The following CHSY1 variants were observed in gnomAD, a reference collection of about 807,000 sequenced individuals.
The protein encoded by CHSY1 is chondroitin sulfate synthase 1.
Under a neutral mutation model 59.8 loss-of-function variants are expected in CHSY1, and 13 were observed. That is an observed-to-expected ratio of 0.22 (90% CI 0.14 to 0.35). The LOEUF is 0.35. Ranked by LOEUF, CHSY1 falls within the 10% of genes least tolerant of loss-of-function variation. CHSY1 has a pLI of 1.00. For missense variants in CHSY1, 947 were observed against 1,030.6 expected, an observed-to-expected ratio of 0.92 and a Z score of 1.11; for synonymous variants, 459 against 401.2, an observed-to-expected ratio of 1.14 and a Z score of -1.72.
chr15:101,198,896 C>A (rs913434454), intron 2 of CHSY1, among the ~76,000 whole-genome samples: 1 of 152,216 alleles, frequency 6.6e-6, no homozygotes, highest in Admixed American at 6.5e-5. Flanking sequence ...ACCCGCCAAC[C>A]CTTTACACAG....
chr15:101,223,960 G>C (rs1316089695), intron 2 of CHSY1, among the ~76,000 whole-genome samples: 1 of 152,266 alleles, frequency 6.6e-6, no homozygotes, highest in Non-Finnish European at 1.5e-5. Flanking sequence ...CCGTAAGATT[G>C]TAATACCTTA....
intron 1 of CHSY1, among the ~76,000 whole-genome samples, chr15:101,244,575 T>C (rs2039033067): frequency 6.6e-6 from 1 of 152,252 alleles, no homozygotes; most frequent in African/African-American, 2.4e-5. Flanking sequence ...AACCAGAATA[T>C]ATAGAAAAGA....
At chr15:101,233,453 T>C (rs1224863869) in intron 2 of CHSY1, among the ~76,000 whole-genome samples, 1 of 152,262 alleles carries the variant, frequency 6.6e-6, no homozygotes, top group Non-Finnish European at 1.5e-5. Context: ...ATGTGTTACC[T>C]ATTTTAACCA....
chr15:101,241,824 T>A (rs1301137333), intron 1 of CHSY1, among the ~76,000 whole-genome samples: 3 of 152,206 alleles, frequency 2.0e-5, no homozygotes, highest in Non-Finnish European at 4.4e-5. Context: ...ATTAAGGGTA[T>A]ATACAGCTGT....
intron 1 of CHSY1, among the ~76,000 whole-genome samples, chr15:101,249,020 G>A (rs933240809): frequency 1.3e-5 from 2 of 148,720 alleles, no homozygotes; most frequent in African/African-American, 2.5e-5. Flanking sequence ...AGCCAGGATG[G>A]TCTTGATCTC....
chr15:101,177,160 C>T lies in CHSY1; in HGVS notation c.*228G>A. On this transcript the variant is annotated 3_prime_UTR_variant, in exon 3 of 3. Transcript: ENST00000254190. ...AAAGTTTTGTTCATCAGGTACATTT[C>T]AAGTCAAAGTTAAGCAGGTCTGCTA... is the stretch of plus-strand genomic sequence containing the variant. 2.2e-6 allele frequency: 1 copy of T among 457,096 alleles called. No individual in the cohort carries two copies. Among genetic ancestry groups the T allele is most frequent in the South Asian group, 4.0e-5 (1 of 24,964 alleles). The allele number at this position is 457,096 out of a possible 1,614,324, so 28.3% of individuals were successfully genotyped here. A position where few individuals can be genotyped will look rare whatever the true frequency, so the allele number is the denominator to read the frequency against.
chr15:101,186,598 AT>A (rs2038369137), intron 2 of CHSY1: 1 of 152,028 alleles, frequency 6.6e-6, no homozygotes, highest in African/African-American at 2.4e-5. Context: ...GAGCCCAGGG[AT>A]TCAAGATGAG....
chr15:101,179,735 G>C (rs994455407), intron 2 of CHSY1, among the ~76,000 whole-genome samples: 2 of 152,242 alleles, frequency 1.3e-5, no homozygotes, highest in Non-Finnish European at 1.5e-5. Flanking sequence ...AATGCTGGCA[G>C]ATGGGAAACA....
In CHSY1 at chr15:101,178,268, G is replaced by T. The variant is rs2038223249; in HGVS notation, c.1529C>A (p.Ser510Tyr). ...ESGSLSFLSNSLKKLVPFQLP... is the reference protein window; with the variant it reads ...ESGSLSFLSNYLKKLVPFQLP... ...CTGAAAGGGGACGAGCTTCTTCAGG[G>T]AGTTTGAGAGAAAGGACAAGGATCC... The change falls in exon 3 of 3, where the codon TCC becomes TAC. Residue 510 changes from serine to tyrosine, a missense_variant. This residue lies in a region of CHSY1 where 602 missense variants were observed against 676.9 expected (regional missense o/e 0.89). Coordinates refer to ENST00000254190, the MANE Select transcript of CHSY1 (RefSeq NM_014918.5). 6.2e-7 allele frequency: 1 copy of T among 1,613,354 alleles called. No homozygotes were observed. The highest frequency in any genetic ancestry group is 1.7e-5 in the Admixed American group (1 of 60,000).
At chr15:101,224,758 T>C (rs2038823031) in intron 2 of CHSY1, among the ~76,000 whole-genome samples, 2 of 152,166 alleles carry the variant, frequency 1.3e-5, no homozygotes, top group African/African-American at 4.8e-5. Flanking sequence ...CCTCCGACTT[T>C]CCTATCCCAG....
intron 2 of CHSY1, among the ~76,000 whole-genome samples, chr15:101,226,518 A>G (rs2038843385): frequency 6.6e-6 from 1 of 152,038 alleles, no homozygotes. Context: ...GCCCAAACCA[A>G]TGTCCTCAGC....
rs984882096 is a variant in CHSY1, at chr15:101,235,667, G to A, written c.321-90C>T. 1.4e-5 allele frequency: 20 copies of A among 1,413,978 alleles called. No individual in the cohort carries two copies. The East Asian group carries it at 4.6e-4, about 32-fold the overall frequency. 87.6% of individuals were successfully genotyped at this position (1,413,978 alleles called of 1,614,324 possible). On this transcript the variant is annotated intron_variant, in intron 1 of 2. Coordinates refer to ENST00000254190, the MANE Select transcript of CHSY1 (RefSeq NM_014918.5). ...TTATCTGCTCATCTTGTATCGCCGT[G>A]TTCAATGGAATGATAAAAAGCTACT...
chr15:101,209,196 C>G (rs2038658697), intron 2 of CHSY1, among the ~76,000 whole-genome samples: 1 of 152,200 alleles, frequency 6.6e-6, no homozygotes, highest in African/African-American at 2.4e-5. Flanking sequence ...ACCAAAATCA[C>G]AAACTGTTAG....
intron 1 of CHSY1, among the ~76,000 whole-genome samples, chr15:101,237,655 C>T (rs1015699377): frequency 2.6e-5 from 4 of 152,216 alleles, no homozygotes; most frequent in Non-Finnish European, 2.9e-5. Context: ...TGGTCAACTG[C>T]GAGGAAACCA....
In CHSY1 at chr15:101,177,633, C is replaced by T; in HGVS notation, c.2164G>A (p.Asp722Asn). ...SIQGWGLEDV[D>N]LFNKVVQAGL... is the part of the protein sequence containing the mutation. ...GCCTGGACAACCTTGTTGAAAAGGT[C>T]CACATCCTCCAGCCCCCAGCCTTGG... is the stretch of plus-strand genomic sequence containing the variant. Residue 722 changes from aspartate (D) to asparagine (N), a missense_variant, in exon 3 of 3, where the codon GAC becomes AAC. Asp to Asn is a conservative substitution (Grantham distance 23). This residue lies in a region of CHSY1 where 602 missense variants were observed against 676.9 expected (regional missense o/e 0.89). Coordinates refer to ENST00000254190, the MANE Select transcript of CHSY1 (RefSeq NM_014918.5). 6.2e-7 allele frequency: 1 copy of T among 1,614,194 alleles called. No homozygotes were observed. The highest frequency in any genetic ancestry group is 8.5e-7 in the Non-Finnish European group (1 of 1,180,038).
At chr15:101,215,382 G>A (rs2038721252) in intron 2 of CHSY1, among the ~76,000 whole-genome samples, 1 of 152,208 alleles carries the variant, frequency 6.6e-6, no homozygotes, top group African/African-American at 2.4e-5. Context: ...AGGATACAAA[G>A]TTTAACAGCT....
At chr15:101,230,611 T>C (rs1252112196) in intron 2 of CHSY1, among the ~76,000 whole-genome samples, 3 of 152,208 alleles carry the variant, frequency 2.0e-5, no homozygotes, top group Non-Finnish European at 4.4e-5. Context: ...CCCAGGCTTC[T>C]GGTATATGGA....
rs1388660747 is a variant in CHSY1 at position 101,251,995 on chromosome 15, G to T, written c.-539C>A. The stretch of plus-strand genomic sequence containing the variant: ...TATGAAGTGGCCCCGCCGGCGGCGA[G>T]CCGTGGCCCCTCTCGGGATCCGTCC... On this transcript the variant is annotated 5_prime_UTR_variant, in exon 1 of 3. Transcript: ENST00000254190. 1 of 151,044 alleles carries T rather than the reference G, an allele frequency of 6.6e-6. No homozygotes were observed. The highest frequency in any genetic ancestry group is 2.4e-5 in the African/African-American group (1 of 41,258). 9.4% of individuals were successfully genotyped at this position (151,044 alleles called of 1,614,324 possible). A position where few individuals can be genotyped will look rare whatever the true frequency, so the allele number is the denominator to read the frequency against.
chr15:101,195,922 T>C (rs2038501564), intron 2 of CHSY1, among the ~76,000 whole-genome samples: 1 of 151,608 alleles, frequency 6.6e-6, no homozygotes, highest in South Asian at 2.1e-4. Flanking sequence ...GACACCCCAG[T>C]TAGTTAATAT....
Sources: allele counts gnomAD v4.1 joint callset (sites outside exome capture counted in the v4.1 genomes callset), GRCh38; gene constraint gnomAD v4.1.1; regional missense constraint gnomAD v4.1.1; transcripts MANE v1.5; gene names NCBI Gene and HGNC (gene_info 2026-07-23, HGNC 2026-07-21).